CTNNA3: variants seen among roughly 807,000 people sequenced by gnomAD.
The protein encoded by CTNNA3 is catenin alpha-3.
CTNNA3 carries 76 observed loss-of-function variants against 95.7 expected under a neutral mutation model. The ratio of observed to expected loss-of-function variants is 0.79; its 90% CI spans 0.66 to 0.96. CTNNA3 has a LOEUF of 0.96. Ranked by LOEUF, CTNNA3 falls within the 40% of genes least tolerant of loss-of-function variation. CTNNA3 has a pLI of 0.00. For synonymous variants in CTNNA3, 431 were observed against 374.4 expected (o/e 1.15, Z -1.74); for missense variants, 1,191 against 1,089.8 (o/e 1.09, Z -1.31).
At chr10:66,483,540 T>C (rs543490164) in intron 11 of CTNNA3, among the ~76,000 whole-genome samples, 1 of 152,150 alleles carries the variant, frequency 6.6e-6, no homozygotes, top group African/African-American at 2.4e-5. Context: ...TAGGTTCCCT[T>C]ACATTTTAGT....
At chr10:67,438,851 A>G (rs1277237044) in intron 5 of CTNNA3, among the ~76,000 whole-genome samples, 1 of 152,200 alleles carries the variant, frequency 6.6e-6, no homozygotes, top group African/African-American at 2.4e-5. Context: ...CTGCCCAAAA[A>G]GGGAACATTT....
At chr10:67,046,343 T>C (rs1206774565) in intron 7 of CTNNA3, among the ~76,000 whole-genome samples, 3 of 152,212 alleles carry the variant, frequency 2.0e-5, no homozygotes, top group Admixed American at 6.5e-5. Flanking sequence ...AGTTTCAGCA[T>C]ATGAGCACAG....
intron 5 of CTNNA3, among the ~76,000 whole-genome samples, chr10:67,437,474 A>AC (rs894100836): frequency 2.6e-5 from 4 of 152,144 alleles, no homozygotes; most frequent in African/African-American, 9.7e-5. Context: ...TTTAATAAAT[A>AC]CCCCAATAAA....
Position 66,493,599 on chromosome 10 carries a change from A to ATTTTTTTTTTTTTTTTTTTT in CTNNA3, c.1531+26998_1531+27017dup, listed in dbSNP as rs528761424. 4.5e-5 allele frequency among the ~76,000 whole-genome samples: 5 copies of ATTTTTTTTTTTTTTTTTTTT among 112,020 alleles called. No individual in the cohort carries two copies. In the South Asian group the frequency reaches 9.8e-4, roughly 22 times the overall value. 73.5% of individuals were successfully genotyped at this position (112,020 alleles called of 152,430 possible). On this transcript the variant is annotated intron_variant, in intron 11 of 17. Coordinates refer to ENST00000433211, the MANE Select transcript of CTNNA3 (RefSeq NM_013266.4). ...GGGTTGGCTAACATTTAACTACAGT[A>ATTTTTTTTTTTTTTTTTTTT]TTTTTTTTTTTTTTTTTTTTGAGAC...
At chr10:67,105,021 G>T (rs1858551199) in intron 7 of CTNNA3, among the ~76,000 whole-genome samples, 1 of 151,882 alleles carries the variant, frequency 6.6e-6, no homozygotes, top group Non-Finnish European at 1.5e-5. Context: ...TGAAGATGTG[G>T]TAAAAAACAA....
chr10:66,683,025 G>A (rs1466318038), intron 9 of CTNNA3, among the ~76,000 whole-genome samples: 2 of 152,048 alleles, frequency 1.3e-5, no homozygotes, highest in African/African-American at 4.8e-5. Flanking sequence ...AAATGTTAGT[G>A]ACTGAGGACA....
chr10:67,133,951 T>C (rs533246875), intron 7 of CTNNA3, among the ~76,000 whole-genome samples: 9 of 152,250 alleles, frequency 5.9e-5, no homozygotes, highest in Admixed American at 4.6e-4. Flanking sequence ...TCTGAGTTGC[T>C]GAGATTACAG....
chr10:66,019,864 ATTAGT>A (rs2079167692), intron 15 of CTNNA3, among the ~76,000 whole-genome samples: 1 of 152,200 alleles, frequency 6.6e-6, no homozygotes, highest in South Asian at 2.1e-4. Flanking sequence ...ATTTAGCATA[ATTAGT>A]CCATTAGTGT....
chr10:66,667,308 C>T (rs575315128), intron 9 of CTNNA3, among the ~76,000 whole-genome samples: 2 of 84,818 alleles, frequency 2.4e-5, no homozygotes, highest in South Asian at 4.1e-4. Flanking sequence ...GAATGTAATA[C>T]ATTCATTATT....
chr10:66,802,082 C>A (rs1251958726), intron 7 of CTNNA3, among the ~76,000 whole-genome samples: 1 of 151,598 alleles, frequency 6.6e-6, no homozygotes, highest in Admixed American at 6.6e-5. Context: ...ATACCACAAA[C>A]AAAAATTAGT....
chr10:66,009,744 G>A (rs2133388367), intron 15 of CTNNA3, among the ~76,000 whole-genome samples: 1 of 152,178 alleles, frequency 6.6e-6, no homozygotes, highest in South Asian at 2.1e-4. Flanking sequence ...TCATGGTTAT[G>A]TATATAGATA....
At chr10:67,204,883 G>C (rs572535383) in intron 6 of CTNNA3, among the ~76,000 whole-genome samples, 15 of 152,302 alleles carry the variant, frequency 9.8e-5, no homozygotes, top group African/African-American at 3.6e-4. Flanking sequence ...CAGATGGGCA[G>C]GGGTAGACTG....
At chr10:67,570,312 C>T (rs1841938811) in intron 3 of CTNNA3, among the ~76,000 whole-genome samples, 1 of 151,906 alleles carries the variant, frequency 6.6e-6, no homozygotes, top group South Asian at 2.1e-4. Flanking sequence ...CTCTCTGTCA[C>T]TTCTTGTTTC....
At chr10:67,756,777 A>G (rs974125085) in intron 1 of CTNNA3, among the ~76,000 whole-genome samples, 11 of 152,198 alleles carry the variant, frequency 7.2e-5, no homozygotes, top group African/African-American at 2.7e-4. Flanking sequence ...CAGTAACACA[A>G]TATTATGAAT....
chr10:67,632,245 T>G (rs1021442565), intron 2 of CTNNA3, among the ~76,000 whole-genome samples: 24 of 149,524 alleles, frequency 1.6e-4, no homozygotes, highest in African/African-American at 5.0e-4. Flanking sequence ...ATACATCAAA[T>G]CATCACATCG....
intron 7 of CTNNA3, among the ~76,000 whole-genome samples, chr10:66,865,885 G>A (rs941512225): frequency 1.3e-5 from 2 of 151,942 alleles, no homozygotes; most frequent in Non-Finnish European, 2.9e-5. Context: ...ATTTTTTCAG[G>A]TGGTTTTAGG....
intron 7 of CTNNA3, among the ~76,000 whole-genome samples, chr10:67,032,390 C>T (rs2133113857): frequency 6.6e-6 from 1 of 152,132 alleles, no homozygotes; most frequent in South Asian, 2.1e-4. Flanking sequence ...CCCATTTCGC[C>T]TCCAATAAAA....
chr10:66,610,609 T>C (rs933935606), intron 10 of CTNNA3, among the ~76,000 whole-genome samples: 10 of 152,110 alleles, frequency 6.6e-5, no homozygotes, highest in Non-Finnish European at 1.2e-4. Flanking sequence ...AGAATAGCTA[T>C]TATTAAAAGG....
chr10:67,072,228 A>T (rs1176719199), intron 7 of CTNNA3, among the ~76,000 whole-genome samples: 1 of 152,222 alleles, frequency 6.6e-6, no homozygotes, highest in East Asian at 1.9e-4. Flanking sequence ...TGCTGGGATT[A>T]TAGGCATAAG....
Sources: allele counts gnomAD v4.1 joint callset (sites outside exome capture counted in the v4.1 genomes callset), GRCh38; gene constraint gnomAD v4.1.1; transcripts MANE v1.5; gene names NCBI Gene and HGNC (gene_info 2026-07-23, HGNC 2026-07-21).